The following EIF4G3 variants were observed in gnomAD, a reference collection of about 807,000 sequenced individuals.
EIF4G3 encodes eIF-4-gamma 3.
In EIF4G3, 34 loss-of-function variants were observed where a neutral mutation model predicts 186.4. The observed-to-expected ratio is 0.18, with a 90% CI of 0.14 to 0.24. The LOEUF is 0.24. Ranked by LOEUF, EIF4G3 falls within the 10% of genes least tolerant of loss-of-function variation. The pLI, the probability that EIF4G3 is intolerant of heterozygous loss-of-function variation, is 1.00. For synonymous variants in EIF4G3, 673 were observed against 679.5 expected (o/e 0.99, Z 0.15); for missense variants, 1,536 against 1,948.5 (o/e 0.79, Z 3.99).
At chr1:21,106,105 T>C (rs2096613197) in intron 2 of EIF4G3, among the ~76,000 whole-genome samples, 1 of 151,258 alleles carries the variant, frequency 6.6e-6, no homozygotes, top group South Asian at 2.1e-4. Context: ...AAGGGAGCTA[T>C]GCTGAGAGTA....
chr1:20,839,696 C>T (rs947726712), intron 30 of EIF4G3, among the ~76,000 whole-genome samples: 35 of 151,010 alleles, frequency 2.3e-4, no homozygotes, highest in Admixed American at 1.3e-3. Flanking sequence ...GCATGTTGGC[C>T]GTGGCTGGTT....
At chr1:20,994,560 G>A (rs982739072) in intron 7 of EIF4G3, among the ~76,000 whole-genome samples, 1 of 148,558 alleles carries the variant, frequency 6.7e-6, no homozygotes, top group Non-Finnish European at 1.5e-5. Flanking sequence ...TTACCTCCAA[G>A]AACTATTGTT....
intron 14 of EIF4G3, among the ~76,000 whole-genome samples, chr1:20,919,994 C>G (rs1211779500): frequency 6.9e-6 from 1 of 144,534 alleles, no homozygotes; most frequent in African/African-American, 2.4e-5. Context: ...ACAACCTCCA[C>G]CTCCCGGGTT....
At chr1:21,150,750 G>A (rs2097536485) in intron 2 of EIF4G3, among the ~76,000 whole-genome samples, 1 of 152,190 alleles carries the variant, frequency 6.6e-6, no homozygotes, top group African/African-American at 2.4e-5. Flanking sequence ...GCCGAGGCGG[G>A]TGGACCACCT....
intron 2 of EIF4G3, among the ~76,000 whole-genome samples, chr1:21,109,761 A>G (rs2096684202): frequency 6.6e-6 from 1 of 152,122 alleles, no homozygotes; most frequent in Admixed American, 6.6e-5. Context: ...AATGAAGTGT[A>G]TGGCCCATTT....
intron 11 of EIF4G3, among the ~76,000 whole-genome samples, chr1:20,971,104 A>AT (rs2075800999): frequency 6.6e-6 from 1 of 152,208 alleles, no homozygotes; most frequent in South Asian, 2.1e-4. Context: ...ATGCTTAAAG[A>AT]TGTCAGTGGA....
intron 34 of EIF4G3, 111 bp from the exon 35 acceptor site, chr1:20,813,350 G>A: frequency 3.3e-6 from 2 of 614,348 alleles, no homozygotes. Context: ...GATCACTTGA[G>A]GCTAGGAGTT....
At chr1:21,037,816 T>C (rs1157622000) in intron 4 of EIF4G3, among the ~76,000 whole-genome samples, 1 of 152,162 alleles carries the variant, frequency 6.6e-6, no homozygotes, top group Admixed American at 6.5e-5. Flanking sequence ...TTGGGCAATA[T>C]GTATCAAAAG....
chr1:21,106,404 A>G (rs1418362598), intron 2 of EIF4G3, among the ~76,000 whole-genome samples: 1 of 152,188 alleles, frequency 6.6e-6, no homozygotes, highest in Non-Finnish European at 1.5e-5. Context: ...TAGTTTAGAT[A>G]GTAAAACCAA....
chr1:20,981,879 T>C (rs2078364579), intron 8 of EIF4G3, among the ~76,000 whole-genome samples: 1 of 152,104 alleles, frequency 6.6e-6, no homozygotes, highest in Admixed American at 6.5e-5. Flanking sequence ...CTCTATTATA[T>C]AAAAGAACTG....
intron 14 of EIF4G3, among the ~76,000 whole-genome samples, chr1:20,915,396 A>G (rs745344534): frequency 2.6e-5 from 4 of 152,114 alleles, no homozygotes; most frequent in Admixed American, 2.0e-4. Flanking sequence ...AGATACCTAA[A>G]CATGACAATC....
At chr1:20,862,937 C>T (rs1384038836) in intron 22 of EIF4G3, among the ~76,000 whole-genome samples, 2 of 151,908 alleles carry the variant, frequency 1.3e-5, no homozygotes, top group Non-Finnish European at 2.9e-5. Flanking sequence ...TGCCACTACA[C>T]CCAGCTAAAT....
intron 2 of EIF4G3, among the ~76,000 whole-genome samples, chr1:21,125,907 G>T (rs2097031264): frequency 1.3e-5 from 2 of 151,012 alleles, no homozygotes; most frequent in South Asian, 4.2e-4. Flanking sequence ...ATTTCAGGAT[G>T]AAAAAACAGG....
intron 30 of EIF4G3, among the ~76,000 whole-genome samples, chr1:20,833,813 G>A (rs1049116892): frequency 6.6e-6 from 1 of 152,114 alleles, no homozygotes. Flanking sequence ...AACATAATAA[G>A]AGCTATCTAT....
At chr1:20,945,523 T>C (rs1439903489) in intron 13 of EIF4G3, among the ~76,000 whole-genome samples, 1 of 152,220 alleles carries the variant, frequency 6.6e-6, no homozygotes, top group Non-Finnish European at 1.5e-5. Context: ...TGGAGTGCAC[T>C]GGTGTGATCT....
chr1:21,140,314 A>T (rs193162418), intron 2 of EIF4G3, among the ~76,000 whole-genome samples: 84 of 150,604 alleles, frequency 5.6e-4, no homozygotes, highest in Non-Finnish European at 9.2e-4. Context: ...GCATGGGCAA[A>T]TTTTTTTTTT....
chr1:20,909,957 A>C (rs1297906816), intron 14 of EIF4G3, among the ~76,000 whole-genome samples: 1 of 151,554 alleles, frequency 6.6e-6, no homozygotes, highest in Non-Finnish European at 1.5e-5. Context: ...AATTTTTTTA[A>C]TGTTTTGTAG....
chr1:21,075,678 A>C (rs2095569492), intron 3 of EIF4G3, among the ~76,000 whole-genome samples: 1 of 151,330 alleles, frequency 6.6e-6, no homozygotes, highest in African/African-American at 2.4e-5. Flanking sequence ...TAGTAGCTAT[A>C]CTACTCCTGC....
intron 2 of EIF4G3, among the ~76,000 whole-genome samples, chr1:21,159,347 G>T (rs2097717113): frequency 6.6e-6 from 1 of 151,996 alleles, no homozygotes; most frequent in African/African-American, 2.4e-5. Flanking sequence ...GGCTAAAATG[G>T]GAGGATCCCT....
Sources: allele counts gnomAD v4.1 joint callset (sites outside exome capture counted in the v4.1 genomes callset), GRCh38; gene constraint gnomAD v4.1.1; transcripts MANE v1.5; gene names NCBI Gene and HGNC (gene_info 2026-07-23, HGNC 2026-07-21).